Variants in LDLRAP1 observed in about 807,000 individuals in gnomAD.
LDLRAP1 encodes the protein low density lipoprotein receptor adaptor protein 1.
LDLRAP1 carries 30 observed loss-of-function variants against 37.8 expected under a neutral mutation model. The ratio of observed to expected loss-of-function variants is 0.79; its 90% CI spans 0.59 to 1.08. The LOEUF is 1.08. Among genes scored for constraint, LDLRAP1 ranks in the 50% least tolerant of loss-of-function variants. LDLRAP1 has a pLI of 0.00. For synonymous variants in LDLRAP1, 156 were observed against 169.8 expected (o/e 0.92, Z 0.63); for missense variants, 375 against 401.6 (o/e 0.93, Z 0.57).
the LDLRAP1 span, among the ~76,000 whole-genome samples, chr1:25,589,266 T>C: frequency 6.9e-6 from 1 of 145,912 alleles, no homozygotes; most frequent in East Asian, 2.2e-4. Flanking sequence ...ATCACACCAC[T>C]GCACTCCAGC....
chr1:25,559,816 T>A (rs2044300374), intron 4 of LDLRAP1, among the ~76,000 whole-genome samples: 1 of 152,148 alleles, frequency 6.6e-6, no homozygotes. Context: ...TGCGTCAGCC[T>A]CCGCACCTGC....
chr1:25,556,524 A>G (rs1207175397), intron 3 of LDLRAP1, among the ~76,000 whole-genome samples: 1 of 152,090 alleles, frequency 6.6e-6, no homozygotes, highest in East Asian at 1.9e-4. Flanking sequence ...TCACCCTGAG[A>G]GAGATGGACC....
chr1:25,556,036 C>T (rs1228936033), intron 3 of LDLRAP1, among the ~76,000 whole-genome samples: 2 of 152,082 alleles, frequency 1.3e-5, no homozygotes, highest in Non-Finnish European at 2.9e-5. Flanking sequence ...ACCAAGGACC[C>T]AGTAACATTT....
intron 4 of LDLRAP1, among the ~76,000 whole-genome samples, chr1:25,562,235 G>A (rs928063239): frequency 3.9e-5 from 6 of 152,174 alleles, no homozygotes; most frequent in African/African-American, 1.4e-4. Flanking sequence ...CAATTCCAAG[G>A]GCTAAGTCCA....
rs372231546 is a variant in LDLRAP1, at chr1:25,565,692, G to T, written c.782+485G>T. On this transcript the variant is annotated intron_variant, in intron 8 of 8. Coordinates refer to ENST00000374338, the MANE Select transcript of LDLRAP1 (RefSeq NM_015627.3). ...GAGGTGTTTTGGTATAGCCTTTGGT[G>T]GCATTTCCCCGTTTTCCCAGGGGCC... 1.1e-4 allele frequency among the ~76,000 whole-genome samples: 16 copies of T among 152,294 alleles called. No homozygotes were observed. The South Asian group carries it at 3.3e-3, about 32-fold the overall frequency.
intron 6 of LDLRAP1, 28 bp from the exon 7 acceptor site, chr1:25,563,633 A>G (rs1303489443): frequency 3.1e-6 from 5 of 1,612,342 alleles, no homozygotes; most frequent in Non-Finnish European, 4.2e-6. Context: ...CTGATCTCCC[A>G]CTGACAACCT....
chr1:25,585,348 C>T, the LDLRAP1 span, among the ~76,000 whole-genome samples: 5 of 148,746 alleles, frequency 3.4e-5, no homozygotes, highest in South Asian at 4.2e-4. Context: ...TTTTTTGAGA[C>T]GGAGTCTCAC....
chr1:25,557,021 A>C (rs960408402), intron 3 of LDLRAP1, 132 bp from the exon 4 acceptor site: 1 of 748,884 alleles, frequency 1.3e-6, no homozygotes, highest in Non-Finnish European at 2.4e-6. Flanking sequence ...CCAAGGCTGG[A>C]TTCCCAGAGT....
At chr1:25,563,188 G>C (rs774689405) in intron 6 of LDLRAP1, 35 bp downstream of exon 6, 1 of 1,587,846 alleles carries the variant, frequency 6.3e-7, no homozygotes, top group African/African-American at 1.3e-5. Context: ...TTGGCCATGC[G>C]GTGTTGGGGT....
At chr1:25,575,359 G>T in the LDLRAP1 span, among the ~76,000 whole-genome samples, 15 of 149,444 alleles carry the variant, frequency 1.0e-4, no homozygotes, top group Admixed American at 2.0e-4. Flanking sequence ...GCTGAGGCAG[G>T]TGAATCACTA....
At chr1:25,565,298 G>C in intron 8 of LDLRAP1, 91 bp downstream of exon 8, 3 of 1,422,396 alleles carry the variant, frequency 2.1e-6, no homozygotes. Context: ...CCCTGATTAA[G>C]AACACAAGCC....
downstream of LDLRAP1, among the ~76,000 whole-genome samples, chr1:25,573,645 G>T (rs574815565): frequency 2.0e-5 from 3 of 152,328 alleles, no homozygotes; most frequent in South Asian, 6.2e-4. Flanking sequence ...AGGTTAGCCC[G>T]GAGAAAACCT....
chr1:25,565,331 C>G (rs1198705816), intron 8 of LDLRAP1, 124 bp downstream of exon 8: 1 of 1,045,858 alleles, frequency 9.6e-7, no homozygotes, highest in East Asian at 2.4e-5. Context: ...TCCAGAGCAA[C>G]AGTCCCATCC....
At chr1:25,582,408 A>G in the LDLRAP1 span, among the ~76,000 whole-genome samples, 1 of 152,006 alleles carries the variant, frequency 6.6e-6, no homozygotes, top group Non-Finnish European at 1.5e-5. Flanking sequence ...AACACGGTGA[A>G]ACCCCGTCTC....
At chr1:25,566,120 A>G (rs1477754547) in intron 8 of LDLRAP1, among the ~76,000 whole-genome samples, 1 of 152,198 alleles carries the variant, frequency 6.6e-6, no homozygotes, top group Non-Finnish European at 1.5e-5. Context: ...TTTGAGCATC[A>G]TGTGCCCTTT....
rs1373160854 is a variant in LDLRAP1, at chr1:25,565,059, AC to A, written c.748-111del. ...CCTGAGGCCGTGCCTCCAGGCGCCC[AC>A]CCTGAGCTTGTGTCCTGAGTCCCTG... On this transcript the variant is annotated intron_variant, in intron 7 of 8. Coordinates refer to ENST00000374338, the MANE Select transcript of LDLRAP1 (RefSeq NM_015627.3). 5.1e-6 allele frequency: 6 copies of A among 1,185,820 alleles called. No homozygotes were observed. In the East Asian group the frequency reaches 1.2e-4, roughly 23 times the overall value. The allele number at this position is 1,185,820 out of a possible 1,614,324, so 73.5% of individuals were successfully genotyped here. A position where few individuals can be genotyped will look rare whatever the true frequency, so the allele number is the denominator to read the frequency against.
intron 4 of LDLRAP1, among the ~76,000 whole-genome samples, chr1:25,561,378 G>A (rs928549801): frequency 5.9e-5 from 9 of 152,162 alleles, no homozygotes; most frequent in South Asian, 2.1e-4. Context: ...TTATACTTTC[G>A]TGAAGTGTAA....
At chr1:25,561,052 G>A (rs575719113) in intron 4 of LDLRAP1, among the ~76,000 whole-genome samples, 3 of 152,390 alleles carry the variant, frequency 2.0e-5, no homozygotes, top group South Asian at 2.1e-4. Flanking sequence ...TCAGATTTAT[G>A]CAACTACAGT....
At chr1:25,562,603 C>A (rs769673683) in intron 4 of LDLRAP1, 41 bp from the exon 5 acceptor site, 13 of 1,572,652 alleles carry the variant, frequency 8.3e-6, no homozygotes, top group Middle Eastern at 1.7e-4. Context: ...TCTGCCCTGG[C>A]TGACACTGCA....
Sources: allele counts gnomAD v4.1 joint callset (sites outside exome capture counted in the v4.1 genomes callset), GRCh38; gene constraint gnomAD v4.1.1; transcripts MANE v1.5; gene names NCBI Gene and HGNC (gene_info 2026-07-23, HGNC 2026-07-21).